Variants in TPST1 observed in about 807,000 individuals in gnomAD.
The protein encoded by TPST1 is protein-tyrosine sulfotransferase 1.
In TPST1, 20 loss-of-function variants were observed where a neutral mutation model predicts 34.8. The observed-to-expected ratio is 0.57, with a 90% CI of 0.40 to 0.84. The LOEUF (loss-of-function observed/expected upper bound fraction) is 0.84, where lower values mean the gene tolerates loss of function less well. Ranked by LOEUF, TPST1 falls within the 40% of genes least tolerant of loss-of-function variation. The pLI, the probability that TPST1 is intolerant of heterozygous loss-of-function variation, is 0.00. For synonymous variants in TPST1, 152 were observed against 159.4 expected, an observed-to-expected ratio of 0.95 and a Z score of 0.35; for missense variants, 353 against 455.5, an observed-to-expected ratio of 0.78 and a Z score of 2.05.
At chr7:66,310,904 C>T (rs191255136) in intron 3 of TPST1, among the ~76,000 whole-genome samples, 2 of 151,948 alleles carry the variant, frequency 1.3e-5, no homozygotes, top group Non-Finnish European at 2.9e-5. Flanking sequence ...TAGCTTACTG[C>T]AGCCTTGACT....
chr7:66,322,645 G>A (rs1475116093), intron 3 of TPST1, among the ~76,000 whole-genome samples: 1 of 152,154 alleles, frequency 6.6e-6, no homozygotes, highest in Non-Finnish European at 1.5e-5. Context: ...GATCAATTTG[G>A]GTTGCTTCCA....
chr7:66,244,367 T>TC (rs570866822), intron 2 of TPST1, among the ~76,000 whole-genome samples: 22 of 152,352 alleles, frequency 1.4e-4, no homozygotes, highest in Admixed American at 5.2e-4. Context: ...GGCCTAGGGA[T>TC]ACTTGTAGAA....
intron 3 of TPST1, among the ~76,000 whole-genome samples, chr7:66,320,571 G>A (rs1791735076): frequency 6.8e-6 from 1 of 148,038 alleles, no homozygotes; most frequent in Non-Finnish European, 1.5e-5. Context: ...TTAACATTTT[G>A]TAAGATTCAT....
chr7:66,255,149 A>C (rs1168398411), intron 2 of TPST1, among the ~76,000 whole-genome samples: 1 of 150,660 alleles, frequency 6.6e-6, no homozygotes, highest in Admixed American at 6.6e-5. Context: ...ACGTCTCAAA[A>C]AAAAAAAAAA....
intron 1 of TPST1, among the ~76,000 whole-genome samples, chr7:66,214,980 A>G (rs1789360064): frequency 6.8e-6 from 1 of 147,094 alleles, no homozygotes; most frequent in South Asian, 2.1e-4. Context: ...TATAAGATAT[A>G]TGCATTAACT....
At chr7:66,229,471 C>T (rs1488117750) in intron 1 of TPST1, among the ~76,000 whole-genome samples, 1 of 152,180 alleles carries the variant, frequency 6.6e-6, no homozygotes, top group Admixed American at 6.5e-5. Context: ...TTGCACATAT[C>T]AAGAGTTTGT....
rs1790261972 is a variant in TPST1 at position 66,251,551 on chromosome 7, C to A, written c.845+10281C>A. Among the ~76,000 whole-genome samples, 4 of 152,134 alleles carry A rather than the reference C, an allele frequency of 2.6e-5. 1 individual carries two copies. The highest frequency in any genetic ancestry group is 9.7e-5 in the African/African-American group (4 of 41,414). Reference sequence around the variant, plus strand: ...TTTAGGGCAAAGGTAGTCTTGAAGTCATGAAATGTTTGTCTCAATGAAGCA... The same window carrying A: ...TTTAGGGCAAAGGTAGTCTTGAAGTAATGAAATGTTTGTCTCAATGAAGCA... On this transcript the variant is annotated intron_variant, in intron 2 of 5. Coordinates refer to ENST00000304842, the MANE Select transcript of TPST1 (RefSeq NM_003596.4).
chr7:66,275,814 A>G (rs1790797735), intron 2 of TPST1, among the ~76,000 whole-genome samples: 1 of 152,210 alleles, frequency 6.6e-6, no homozygotes, highest in Non-Finnish European at 1.5e-5. Context: ...TGTGGTGACT[A>G]TAGTTAATAA....
chr7:66,351,822 G>C (rs1792485369), intron 3 of TPST1, among the ~76,000 whole-genome samples: 1 of 152,016 alleles, frequency 6.6e-6, no homozygotes. Flanking sequence ...ATAGTTTTCT[G>C]TGTTAAGGTT....
chr7:66,315,192 A>T (rs1325468930), intron 3 of TPST1, among the ~76,000 whole-genome samples: 1 of 152,254 alleles, frequency 6.6e-6, no homozygotes, highest in Non-Finnish European at 1.5e-5. Flanking sequence ...GTGTGGCCAC[A>T]GTAAGGGAAT....
rs1386256894 is a variant in TPST1, at chr7:66,268,042, T to TC, written c.846-18468dup. Among the ~76,000 whole-genome samples, 3 of 152,194 alleles carry TC rather than the reference T, an allele frequency of 2.0e-5. No homozygotes were observed. The East Asian group carries it at 5.8e-4, about 29-fold the overall frequency. On this transcript the variant is annotated intron_variant, in intron 2 of 5. Transcript: ENST00000304842. ...GTCTTGGCTCACTGCAACCTCCTCC[T>TC]CTCGGGCTGAAGTGATTCTCCTACC...
chr7:66,300,198 A>C (rs573257280), intron 3 of TPST1, among the ~76,000 whole-genome samples: 1 of 152,190 alleles, frequency 6.6e-6, no homozygotes, highest in Non-Finnish European at 1.5e-5. Context: ...TGGGGTGACT[A>C]TAGCAATTTG....
intron 3 of TPST1, among the ~76,000 whole-genome samples, chr7:66,335,185 A>G (rs373216898): frequency 6.2e-4 from 94 of 152,264 alleles, no homozygotes; most frequent in African/African-American, 2.2e-3. Context: ...TAAGCTGGGC[A>G]TGGCAGCTCA....
At chr7:66,355,293 GAA>G (rs1792560224) in intron 4 of TPST1, among the ~76,000 whole-genome samples, 1 of 148,756 alleles carries the variant, frequency 6.7e-6, no homozygotes, top group African/African-American at 2.5e-5. Context: ...CCAACATAGT[GAA>G]ACCCCATCTC....
intron 2 of TPST1, among the ~76,000 whole-genome samples, chr7:66,251,249 T>C (rs547254792): frequency 1.3e-5 from 2 of 152,210 alleles, no homozygotes; most frequent in East Asian, 3.8e-4. Context: ...TTTATTATTA[T>C]AATAATAAGG....
chr7:66,215,384 A>G (rs111468571), intron 1 of TPST1, among the ~76,000 whole-genome samples: 2 of 148,410 alleles, frequency 1.3e-5, no homozygotes, highest in African/African-American at 5.0e-5. Context: ...GTATATATAT[A>G]TATTTTTTGA....
intron 2 of TPST1, among the ~76,000 whole-genome samples, chr7:66,270,841 G>A (rs1000633959): frequency 3.3e-5 from 5 of 152,100 alleles, no homozygotes; most frequent in Admixed American, 2.6e-4. Flanking sequence ...CATTTTTCTT[G>A]TGATTTTAGC....
At chr7:66,298,708 C>CT (rs1476280237) in intron 3 of TPST1, among the ~76,000 whole-genome samples, 2 of 152,084 alleles carry the variant, frequency 1.3e-5, no homozygotes, top group African/African-American at 2.4e-5. Context: ...TTGGATTAAT[C>CT]TTTTTTGGTA....
intron 3 of TPST1, among the ~76,000 whole-genome samples, chr7:66,342,461 G>T (rs547256062): frequency 6.6e-6 from 1 of 152,294 alleles, no homozygotes; most frequent in African/African-American, 2.4e-5. Flanking sequence ...AAGCCTAATT[G>T]ACATGTGCTT....
Sources: gnomAD v4.1 joint callset for allele counts (sites outside exome capture counted in the v4.1 genomes callset) on GRCh38, gnomAD v4.1.1 for gene constraint, MANE v1.5 for transcripts, NCBI Gene and HGNC (gene_info 2026-07-23, HGNC 2026-07-21) for gene names.